NUSAP1: variants seen among roughly 807,000 people sequenced by gnomAD.
NUSAP1 encodes the protein nucleolar and spindle-associated protein 1.
In NUSAP1, 32 loss-of-function variants were observed where a neutral mutation model predicts 52.8. The ratio of observed to expected loss-of-function variants is 0.61; its 90% CI spans 0.46 to 0.81. The LOEUF (loss-of-function observed/expected upper bound fraction) is 0.81. Among genes scored for constraint, NUSAP1 ranks in the 40% least tolerant of loss-of-function variants. The pLI, the probability that NUSAP1 is intolerant of heterozygous loss-of-function variation, is 0.00. For synonymous variants in NUSAP1, 195 were observed against 183.1 expected (o/e 1.06, Z -0.52); for missense variants, 499 against 522.3 (o/e 0.96, Z 0.43).
At chr15:41,372,914 C>A (rs1310308526) in intron 8 of NUSAP1, among the ~76,000 whole-genome samples, 1 of 151,970 alleles carries the variant, frequency 6.6e-6, no homozygotes, top group Non-Finnish European at 1.5e-5. Context: ...ATGGTGAAAC[C>A]CCAACTCTAC....
intron 8 of NUSAP1, among the ~76,000 whole-genome samples, chr15:41,372,110 G>A (rs1327147437): frequency 6.6e-6 from 1 of 152,006 alleles, no homozygotes; most frequent in East Asian, 1.9e-4. Context: ...ATAATCAAAA[G>A]CAAAAATTTT....
chr15:41,366,529 G>T (rs1254874097), intron 7 of NUSAP1, among the ~76,000 whole-genome samples: 1 of 151,170 alleles, frequency 6.6e-6, no homozygotes, highest in East Asian at 2.0e-4. Context: ...TGATCTACCT[G>T]CCTTGGCCTC....
At chr15:41,347,813 C>CAAA (rs374551463) in intron 2 of NUSAP1, among the ~76,000 whole-genome samples, 3 of 95,594 alleles carry the variant, frequency 3.1e-5, no homozygotes, top group Non-Finnish European at 2.3e-5. Flanking sequence ...GACTCCGTCT[C>CAAA]AAAAAAAAAA....
At chr15:41,375,907 CA>C in intron 9 of NUSAP1, 79 bp downstream of exon 9, 1 of 970,242 alleles carries the variant, frequency 1.0e-6, no homozygotes, top group South Asian at 1.3e-5. Flanking sequence ...ACCTACTAAA[CA>C]TACAAAAATT....
At chr15:41,372,525 T>G (rs754542368) in intron 8 of NUSAP1, among the ~76,000 whole-genome samples, 9 of 152,184 alleles carry the variant, frequency 5.9e-5, no homozygotes, top group Non-Finnish European at 8.8e-5. Context: ...GTGCAAGAGT[T>G]TCCCTAGACC....
intron 7 of NUSAP1, among the ~76,000 whole-genome samples, chr15:41,368,390 A>G (rs1294876906): frequency 6.6e-6 from 1 of 152,234 alleles, no homozygotes; most frequent in African/African-American, 2.4e-5. Flanking sequence ...ACTTAAATAT[A>G]GAAGTGAAGC....
chr15:41,375,797 G>C lies in NUSAP1; in HGVS notation c.1092G>C (p.Leu364Phe), dbSNP rs1396110567. 1 of 1,613,388 alleles carries C rather than the reference G, an allele frequency of 6.2e-7. No homozygotes were observed. The highest frequency in any genetic ancestry group is 8.5e-7 in the Non-Finnish European group (1 of 1,179,458). Residue 364 changes from leucine (L) to phenylalanine (F), a missense_variant, in exon 9 of 11, where the codon TTG becomes TTC. Coordinates refer to ENST00000559596, the MANE Select transcript of NUSAP1 (RefSeq NM_016359.5). ...CAGTGTTTGATCTTAAAGCAAGTTT[G>C]TCTCGTCCCCTCAACTATGAACCAC... The part of the protein sequence containing the change: ...KKPVFDLKAS[L>F]SRPLNYEPHK...
At chr15:41,350,059 G>T (rs2048724476) in intron 3 of NUSAP1, among the ~76,000 whole-genome samples, 1 of 152,044 alleles carries the variant, frequency 6.6e-6, no homozygotes, top group African/African-American at 2.4e-5. Flanking sequence ...GAGCCACCAT[G>T]CCCAGCCCTG....
intron 7 of NUSAP1, among the ~76,000 whole-genome samples, chr15:41,370,200 T>G (rs2140817567): frequency 6.6e-6 from 1 of 150,466 alleles, no homozygotes; most frequent in South Asian, 2.1e-4. Flanking sequence ...GCTAACACAG[T>G]GAAACCCCGT....
intron 2 of NUSAP1, chr15:41,345,469 T>C (rs773171300): frequency 5.7e-4 from 149 of 262,808 alleles, no homozygotes; most frequent in Non-Finnish European, 9.5e-4. Flanking sequence ...TTTTTCTTTC[T>C]TTTTTTTTTT....
intron 1 of NUSAP1, among the ~76,000 whole-genome samples, chr15:41,338,747 G>GA (rs765442002): frequency 9.9e-5 from 15 of 152,064 alleles, no homozygotes; most frequent in Non-Finnish European, 1.9e-4. Context: ...CTTGAGGCCA[G>GA]GAGTTCAAGG....
At chr15:41,356,834 C>A (rs917007285) in intron 5 of NUSAP1, among the ~76,000 whole-genome samples, 1 of 152,184 alleles carries the variant, frequency 6.6e-6, no homozygotes, top group African/African-American at 2.4e-5. Context: ...TAAATGATTC[C>A]GTTTTTGGGC....
intron 2 of NUSAP1, among the ~76,000 whole-genome samples, chr15:41,347,675 G>A (rs1165981420): frequency 3.9e-5 from 6 of 151,976 alleles, no homozygotes; most frequent in South Asian, 2.1e-4. Flanking sequence ...TTAGCCAGGC[G>A]TGGTGGCGGG....
rs373051062 is a variant in NUSAP1, at chr15:41,350,716, C to CAGT, written c.307-269_307-267dup. ...TTCTGCCTCAATGTAGTCACTTGCT[C>CAGT]AGTAGACTGTCTAGGTTTCTTCATT... On this transcript the variant is annotated intron_variant, in intron 3 of 10. Transcript: ENST00000559596. Among the ~76,000 whole-genome samples, 470 of 152,274 alleles carry CAGT rather than the reference C, an allele frequency of 3.1e-3. 3 individuals are homozygous for CAGT. The highest frequency in any genetic ancestry group is 0.011 in the African/African-American group (457 of 41,552).
In NUSAP1 at chr15:41,373,890, C is replaced by A. The variant is rs529774568; in HGVS notation, c.1007-1822C>A. On this transcript the variant is annotated intron_variant, in intron 8 of 10. Coordinates refer to ENST00000559596, the MANE Select transcript of NUSAP1 (RefSeq NM_016359.5). ...TCAGGGAAATAAGCTGAAAAGTTAC[C>A]GTCATTTCCTTCAACAGAATTCTAA... 5.3e-5 allele frequency among the ~76,000 whole-genome samples: 8 copies of A among 152,078 alleles called. No homozygotes were observed. In the South Asian group the frequency reaches 6.2e-4, roughly 12 times the overall value.
At chr15:41,340,325 G>C (rs1344241618) in intron 1 of NUSAP1, among the ~76,000 whole-genome samples, 1 of 151,962 alleles carries the variant, frequency 6.6e-6, no homozygotes, top group East Asian at 1.9e-4. Context: ...TCCTAATTCA[G>C]GTAGCATCCC....
chr15:41,337,929 TTC>T (rs2048220715), intron 1 of NUSAP1, among the ~76,000 whole-genome samples: 2 of 141,506 alleles, frequency 1.4e-5, no homozygotes, highest in African/African-American at 2.8e-5. Flanking sequence ...CTTTTCTTTT[TTC>T]TTTTTTTTTT....
chr15:41,336,999 CTT>C (rs201223527), intron 1 of NUSAP1, among the ~76,000 whole-genome samples: 1,346 of 65,780 alleles, frequency 0.02, 7 homozygotes, highest in African/African-American at 0.089. Context: ...CTTTCCTTTT[CTT>C]TTTTTTTTTT....
intron 4 of NUSAP1, among the ~76,000 whole-genome samples, chr15:41,351,507 C>T (rs1446274996): frequency 1.3e-5 from 2 of 152,168 alleles, no homozygotes; most frequent in African/African-American, 4.8e-5. Flanking sequence ...CCAAATAGGC[C>T]AAGCATAGTG....
Sources: gnomAD v4.1 joint callset for allele counts (sites outside exome capture counted in the v4.1 genomes callset) on GRCh38, gnomAD v4.1.1 for gene constraint, MANE v1.5 for transcripts, NCBI Gene and HGNC (gene_info 2026-07-23, HGNC 2026-07-21) for gene names.